The following MMP26 variants were observed in gnomAD, a reference collection of about 807,000 sequenced individuals.
The protein encoded by MMP26 is matrix metallopeptidase 26.
A neutral mutation model predicts 31.0 loss-of-function variants in MMP26; 33 were observed. The ratio of observed to expected loss-of-function variants is 1.06; its 90% CI spans 0.81 to 1.42. MMP26 has a LOEUF of 1.42. Ranked by LOEUF, MMP26 falls within the 40% of genes most tolerant of loss-of-function variation. The probability of loss-of-function intolerance (pLI) is 0.00; values close to 1 mark genes in which losing one functional copy is unlikely to be tolerated. For missense variants in MMP26, 347 were observed against 316.1 expected (o/e 1.10, Z -0.74); for synonymous variants, 122 against 114.9 (o/e 1.06, Z -0.40).
At chr11:4,756,334 T>C (rs1368525283) in intron 1 of MMP26, among the ~76,000 whole-genome samples, 1 of 152,024 alleles carries the variant, frequency 6.6e-6, no homozygotes, top group Non-Finnish European at 1.5e-5. Context: ...CAAATAACTA[T>C]AGTCTCAGGT....
intron 2 of MMP26, chr11:4,915,035 G>A (rs1443879322): frequency 6.2e-7 from 1 of 1,614,006 alleles, no homozygotes; most frequent in East Asian, 2.2e-5. Context: ...ACCCACTGTA[G>A]AGACGATGAC....
At chr11:4,862,049 G>A (rs528354876) in intron 2 of MMP26, among the ~76,000 whole-genome samples, 1 of 152,270 alleles carries the variant, frequency 6.6e-6, no homozygotes, top group African/African-American at 2.4e-5. Flanking sequence ...ACTTCCTGAT[G>A]TAGAATTTCT....
At chr11:4,915,770 C>T in intron 2 of MMP26, 1 of 678,010 alleles carries the variant, frequency 1.5e-6, no homozygotes, top group East Asian at 2.7e-5. Flanking sequence ...AAAATAGAAT[C>T]AAATATACCT....
chr11:4,765,868 G>T (rs139624345), intron 1 of MMP26, among the ~76,000 whole-genome samples: 2 of 152,232 alleles, frequency 1.3e-5, no homozygotes, highest in East Asian at 3.9e-4. Context: ...ACTTTCATCA[G>T]CCTCTAAATT....
chr11:4,943,887 T>C (rs1443281245), intron 2 of MMP26: 1 of 446,998 alleles, frequency 2.2e-6, no homozygotes, highest in South Asian at 1.6e-5. Context: ...CAGATGATCT[T>C]TGATACTCTT....
intron 2 of MMP26, among the ~76,000 whole-genome samples, chr11:4,847,084 G>A (rs1027062769): frequency 6.6e-6 from 1 of 152,170 alleles, no homozygotes; most frequent in Non-Finnish European, 1.5e-5. Context: ...TACTAGGTTA[G>A]CACTACCCCA....
At chr11:4,899,652 A>T (rs1175905345) in intron 2 of MMP26, among the ~76,000 whole-genome samples, 1 of 152,080 alleles carries the variant, frequency 6.6e-6, no homozygotes, top group Non-Finnish European at 1.5e-5. Context: ...CCATTCCTTC[A>T]TTGTTTATTA....
At chr11:4,740,867 C>A (rs1848303161) in intron 1 of MMP26, among the ~76,000 whole-genome samples, 1 of 152,106 alleles carries the variant, frequency 6.6e-6, no homozygotes, top group Non-Finnish European at 1.5e-5. Flanking sequence ...AATTTTATTA[C>A]ATGATATTCC....
chr11:4,712,262 G>T (rs1847871751), intron 1 of MMP26: 1 of 152,156 alleles, frequency 6.6e-6, no homozygotes. Flanking sequence ...CATTCTTAAG[G>T]TGTTTAAATC....
intron 1 of MMP26, among the ~76,000 whole-genome samples, chr11:4,745,127 C>T (rs896575678): frequency 2.0e-5 from 3 of 152,108 alleles, no homozygotes; most frequent in African/African-American, 7.2e-5. Flanking sequence ...AAAGTGTACA[C>T]ATATAGTTTT....
In MMP26 at chr11:4,803,549, G is replaced by T. The variant is rs755868815; in HGVS notation, c.-145+36208G>T. The T allele has an allele frequency of 1.1e-5, 17 of 1,613,982 alleles. 1 individual carries two copies. The South Asian group carries it at 1.9e-4, about 18-fold the overall frequency. On this transcript the variant is annotated intron_variant, in intron 2 of 7. Coordinates refer to ENST00000380390, the MANE Select transcript of MMP26 (RefSeq NM_021801.5). The stretch of plus-strand genomic sequence containing the variant: ...ATCAGTAGATAGAGATTAGCAAACA[G>T]GATGTGTACAACTCGGGGCACATCA...
intron 2 of MMP26, chr11:4,848,546 A>G (rs2133497435): frequency 6.2e-7 from 1 of 1,612,570 alleles, no homozygotes; most frequent in South Asian, 1.1e-5. Flanking sequence ...AGGAGAAGAA[A>G]ATAAGCAGGG....
intron 1 of MMP26, among the ~76,000 whole-genome samples, chr11:4,743,586 C>A (rs1411435063): frequency 1.3e-5 from 2 of 152,114 alleles, no homozygotes; most frequent in Non-Finnish European, 2.9e-5. Context: ...ACAAATGATA[C>A]AATACCATTC....
intron 1 of MMP26, chr11:4,710,059 T>A (rs1428762758): frequency 2.2e-6 from 1 of 456,786 alleles, no homozygotes; most frequent in South Asian, 1.5e-5. Context: ...CTACTCCTGC[T>A]CCTTAAGCGC....
At chr11:4,827,861 A>G (rs374417576) in intron 2 of MMP26, among the ~76,000 whole-genome samples, 24 of 151,438 alleles carry the variant, frequency 1.6e-4, no homozygotes, top group African/African-American at 5.6e-4. Context: ...CACAACAAAG[A>G]CAAACTTGTA....
rs529057500 is a variant in MMP26, at chr11:4,784,213, G to A, written c.-145+16872G>A. 7.9e-5 allele frequency among the ~76,000 whole-genome samples: 12 copies of A among 152,314 alleles called. No homozygotes were observed. In the South Asian group the frequency reaches 2.5e-3, roughly 32 times the overall value. On this transcript the variant is annotated intron_variant, in intron 2 of 7. Coordinates refer to ENST00000380390, the MANE Select transcript of MMP26 (RefSeq NM_021801.5). ...GTTGGCCAGCATTTCAGCTGGGGCAGTGATCAGAACACATACATGTGGCTT... is the reference window on the plus strand; with the variant it reads ...GTTGGCCAGCATTTCAGCTGGGGCAATGATCAGAACACATACATGTGGCTT...
Position 4,990,833 on chromosome 11 carries a change from C to G in MMP26, c.469+87C>G, listed in dbSNP as rs183294476. Reference sequence around the variant, plus strand: ...CATCCTTAAACAAAAACCTAGCCCCCCTATTAAAGTTTCTGAGAAAAAAAG... The same window carrying G: ...CATCCTTAAACAAAAACCTAGCCCCGCTATTAAAGTTTCTGAGAAAAAAAG... On this transcript the variant is annotated intron_variant, in intron 5 of 7. Coordinates refer to ENST00000380390, the MANE Select transcript of MMP26 (RefSeq NM_021801.5). 1,368 of 1,383,226 alleles carry G rather than the reference C, an allele frequency of 9.9e-4. 7 individuals carry two copies. Among genetic ancestry groups the G allele is most frequent in the African/African-American group, 9.6e-3 (672 of 69,710 alleles). The allele number at this position is 1,383,226 out of a possible 1,614,324, so 85.7% of individuals were successfully genotyped here.
chr11:4,803,488 C>G (rs745583175), intron 2 of MMP26: 2 of 1,613,920 alleles, frequency 1.2e-6, no homozygotes, highest in African/African-American at 2.7e-5. Flanking sequence ...CTGTTTGGTT[C>G]TAACTCCATA....
chr11:4,739,300 G>T (rs183806782), intron 1 of MMP26, among the ~76,000 whole-genome samples: 2 of 152,274 alleles, frequency 1.3e-5, no homozygotes, highest in East Asian at 3.9e-4. Flanking sequence ...AGTGGCATCT[G>T]AAATGAGTCT....
Sources: allele counts gnomAD v4.1 joint callset (sites outside exome capture counted in the v4.1 genomes callset), GRCh38; gene constraint gnomAD v4.1.1; transcripts MANE v1.5; gene names NCBI Gene and HGNC (gene_info 2026-07-23, HGNC 2026-07-21).